CCDC91: variants seen among roughly 807,000 people sequenced by gnomAD.
The protein encoded by CCDC91 is coiled-coil domain containing 91.
CCDC91 carries 48 observed loss-of-function variants against 63.2 expected under a neutral mutation model. The observed-to-expected ratio is 0.76, with a 90% CI of 0.60 to 0.97. CCDC91 has a LOEUF of 0.97. Ranked by LOEUF, CCDC91 falls within the 50% of genes least tolerant of loss-of-function variation. The probability of loss-of-function intolerance (pLI) is 0.00; values close to 1 mark genes in which losing one functional copy is unlikely to be tolerated. For missense variants in CCDC91, 500 were observed against 494.6 expected (o/e 1.01, Z -0.10); for synonymous variants, 167 against 165.8 (o/e 1.01, Z -0.06).
At chr12:28,197,107 T>C (rs560904190) in intron 1 of CCDC91, among the ~76,000 whole-genome samples, 1 of 152,256 alleles carries the variant, frequency 6.6e-6, no homozygotes, top group Admixed American at 6.5e-5. Flanking sequence ...TCAAAGTATA[T>C]ACATTTTTTT....
chr12:28,226,408 A>G (rs1243890584), intron 1 of CCDC91, among the ~76,000 whole-genome samples: 1 of 152,096 alleles, frequency 6.6e-6, no homozygotes, highest in Non-Finnish European at 1.5e-5. Context: ...CCTCTATGAC[A>G]TATGTTAGAT....
chr12:28,246,229 AT>A, intron 1 of CCDC91, among the ~76,000 whole-genome samples: 1 of 152,310 alleles, frequency 6.6e-6, no homozygotes, highest in Non-Finnish European at 1.5e-5. Context: ...AACATCATTC[AT>A]TTGAAAGTAA....
intron 8 of CCDC91, among the ~76,000 whole-genome samples, chr12:28,441,736 CAT>C (rs1391255415): frequency 1.7e-4 from 25 of 148,488 alleles, no homozygotes; most frequent in South Asian, 2.1e-4. Flanking sequence ...TCATATATCT[CAT>C]ATATATATCT....
At chr12:28,471,848 C>A (rs1387547320) in intron 11 of CCDC91, among the ~76,000 whole-genome samples, 1 of 152,006 alleles carries the variant, frequency 6.6e-6, no homozygotes, top group African/African-American at 2.4e-5. Context: ...CTCCCGGGTT[C>A]AAGCAATTCT....
At chr12:28,538,378 T>C (rs1001705175) in intron 12 of CCDC91, among the ~76,000 whole-genome samples, 3 of 151,714 alleles carry the variant, frequency 2.0e-5, no homozygotes, top group African/African-American at 7.3e-5. Context: ...GTCCTTGCGA[T>C]AGTTTGCTGA....
intron 12 of CCDC91, among the ~76,000 whole-genome samples, chr12:28,547,318 C>G (rs946217271): frequency 1.3e-5 from 2 of 152,038 alleles, no homozygotes; most frequent in Non-Finnish European, 2.9e-5. Context: ...AAAACTATGA[C>G]TTTAATCTCC....
intron 1 of CCDC91, chr12:28,236,757 A>G (rs188855518): frequency 1.3e-5 from 2 of 152,256 alleles, no homozygotes; most frequent in East Asian, 3.9e-4. Flanking sequence ...ATTTATTTTC[A>G]TTATGGAATG....
chr12:28,452,300 A>G (rs10843172), intron 10 of CCDC91, among the ~76,000 whole-genome samples, 178 bp from the exon 11 acceptor site: 31,282 of 151,474 alleles, frequency 0.21, 4,176 homozygotes, highest in Non-Finnish European at 0.3. Flanking sequence ...GAATATTTGT[A>G]TAAAAAAGAA....
chr12:28,241,648 C>A (rs1254271482), intron 1 of CCDC91, among the ~76,000 whole-genome samples: 1 of 151,972 alleles, frequency 6.6e-6, no homozygotes, highest in Non-Finnish European at 1.5e-5. Context: ...CTTTTGGTAT[C>A]CGTGTGTGAG....
At chr12:28,204,220 A>G (rs1942678372) in intron 1 of CCDC91, among the ~76,000 whole-genome samples, 1 of 152,194 alleles carries the variant, frequency 6.6e-6, no homozygotes, top group African/African-American at 2.4e-5. Flanking sequence ...TGGGGTTAAA[A>G]TGTAGCTGTA....
intron 7 of CCDC91, among the ~76,000 whole-genome samples, chr12:28,372,487 T>A (rs1405367340): frequency 6.6e-6 from 1 of 152,082 alleles, no homozygotes; most frequent in Non-Finnish European, 1.5e-5. Context: ...TTTGTTTGTG[T>A]CATTAATGCT....
chr12:28,449,393 A>C (rs1015347699), intron 8 of CCDC91, among the ~76,000 whole-genome samples: 2 of 152,070 alleles, frequency 1.3e-5, no homozygotes, highest in Non-Finnish European at 2.9e-5. Context: ...GTAGCAATAC[A>C]TATTTTTTAG....
At chr12:28,434,372 AT>A (rs1028826819) in intron 8 of CCDC91, among the ~76,000 whole-genome samples, 9 of 150,544 alleles carry the variant, frequency 6.0e-5, no homozygotes, top group Non-Finnish European at 7.4e-5. Flanking sequence ...TGATCATGTG[AT>A]TTTTTTTTCC....
At chr12:28,377,832 A>T (rs1332846174) in intron 7 of CCDC91, among the ~76,000 whole-genome samples, 1 of 151,986 alleles carries the variant, frequency 6.6e-6, no homozygotes, top group Non-Finnish European at 1.5e-5. Context: ...TGCTTGACTA[A>T]GTTGGTGATC....
intron 1 of CCDC91, among the ~76,000 whole-genome samples, chr12:28,245,392 T>A (rs2136013840): frequency 6.6e-6 from 1 of 152,270 alleles, no homozygotes; most frequent in Middle Eastern, 3.4e-3. Context: ...AATACTTAAA[T>A]GTCAAAAATA....
intron 7 of CCDC91, among the ~76,000 whole-genome samples, chr12:28,382,190 G>A (rs1483274858): frequency 6.6e-6 from 1 of 151,790 alleles, no homozygotes; most frequent in Non-Finnish European, 1.5e-5. Flanking sequence ...ATCTCTTAAT[G>A]TTGATGGCTT....
At chr12:28,462,417 T>C (rs961505569) in intron 11 of CCDC91, among the ~76,000 whole-genome samples, 13 of 152,002 alleles carry the variant, frequency 8.6e-5, no homozygotes, top group Admixed American at 6.6e-5. Flanking sequence ...AATTAATATA[T>C]GGAACAACTA....
intron 6 of CCDC91, among the ~76,000 whole-genome samples, chr12:28,357,802 T>TA (rs1471896801): frequency 6.6e-6 from 1 of 152,142 alleles, no homozygotes; most frequent in Non-Finnish European, 1.5e-5. Context: ...TTTTTTTGCT[T>TA]AAAAAATCCA....
intron 12 of CCDC91, among the ~76,000 whole-genome samples, chr12:28,522,012 A>G (rs1940731326): frequency 6.6e-6 from 1 of 152,202 alleles, no homozygotes; most frequent in South Asian, 2.1e-4. Context: ...AATGTTCATC[A>G]GGGATATTGG....
Sources: gnomAD v4.1 joint callset for allele counts (sites outside exome capture counted in the v4.1 genomes callset) on GRCh38, gnomAD v4.1.1 for gene constraint, MANE v1.5 for transcripts, NCBI Gene and HGNC (gene_info 2026-07-23, HGNC 2026-07-21) for gene names.